Variants in STX2 observed in about 807,000 individuals in gnomAD.
STX2 encodes syntaxin 2, also known as syntaxin-2.
Under a neutral mutation model 40.6 loss-of-function variants are expected in STX2, and 27 were observed. The observed-to-expected ratio is 0.66, with a 90% CI of 0.49 to 0.92. STX2 has a LOEUF of 0.92. Ranked by LOEUF, STX2 falls within the 40% of genes least tolerant of loss-of-function variation. The probability of loss-of-function intolerance (pLI) is 0.00; values close to 1 mark genes in which losing one functional copy is unlikely to be tolerated. For missense variants in STX2, 328 were observed against 366.1 expected (o/e 0.90, Z 0.85); for synonymous variants, 123 against 119.1 (o/e 1.03, Z -0.22).
At chr12:130,827,159 C>T (rs1952351233) in intron 2 of STX2, 34 bp downstream of exon 2, 2 of 1,540,788 alleles carry the variant, frequency 1.3e-6, no homozygotes, top group African/African-American at 1.4e-5. Context: ...GACAGGTAGG[C>T]AGGCTATGAT....
intron 1 of STX2, among the ~76,000 whole-genome samples, chr12:130,828,391 CTTTTTTTTT>C (rs35993256): frequency 1.9e-5 from 2 of 106,526 alleles, no homozygotes; most frequent in African/African-American, 7.4e-5. Context: ...CCACACCCGG[CTTTTTTTTT>C]TTTTTTTTTT....
At chr12:130,810,391 T>C (rs753695434) in intron 4 of STX2, among the ~76,000 whole-genome samples, 10 of 152,188 alleles carry the variant, frequency 6.6e-5, no homozygotes, top group Non-Finnish European at 1.5e-4. Context: ...CCCAGTCCAC[T>C]GAAAAAGCCT....
intron 9 of STX2, 102 bp from the exon 10 acceptor site, chr12:130,796,222 G>T: frequency 6.9e-7 from 1 of 1,455,242 alleles, no homozygotes; most frequent in Non-Finnish European, 9.3e-7. Flanking sequence ...GGCCAGGTGT[G>T]GTGGCTCACG....
intron 1 of STX2, among the ~76,000 whole-genome samples, chr12:130,838,531 G>A (rs898027118): frequency 6.6e-6 from 1 of 152,128 alleles, no homozygotes; most frequent in East Asian, 1.9e-4. Context: ...GCACTCTAAG[G>A]TGCCCACATT....
intron 4 of STX2, among the ~76,000 whole-genome samples, chr12:130,809,906 T>C (rs34320422): frequency 0.011 from 1,616 of 152,208 alleles, 38 homozygotes; most frequent in African/African-American, 0.037. Flanking sequence ...GTACCTGTAG[T>C]CACAAGTGCT....
At position 130,790,982 on chromosome 12, in the gene STX2, A is replaced by C. The variant is rs1421811587; in HGVS notation, c.*1041T>G. ...AATGGGAAACTTTAAACAACTGTAC[A>C]AAGGTGGCTCCAACACCATGAAGCT... is the stretch of plus-strand genomic sequence containing the variant. On this transcript the variant is annotated 3_prime_UTR_variant, in exon 11 of 11. Coordinates refer to ENST00000392373, the MANE Select transcript of STX2 (RefSeq NM_194356.4). 1 of 152,626 alleles carries C rather than the reference A, an allele frequency of 6.6e-6. No individual in the cohort carries two copies. The highest frequency in any genetic ancestry group is 1.9e-4 in the East Asian group (1 of 5,198). 9.5% of individuals were successfully genotyped at this position (152,626 alleles called of 1,614,324 possible).
At position 130,793,173 on chromosome 12, in the gene STX2, C is replaced by G. The variant is rs936841730; in HGVS notation, c.*46-1196G>C. ...TTATCAAGAGGCGCATGGCAGGCCCCGGTGAGCCTCCCAGTGACTCCTCAG... is the reference window on the plus strand; with the variant it reads ...TTATCAAGAGGCGCATGGCAGGCCCGGGTGAGCCTCCCAGTGACTCCTCAG... On this transcript the variant is annotated intron_variant, in intron 10 of 10. Coordinates refer to ENST00000392373, the MANE Select transcript of STX2 (RefSeq NM_194356.4). Among the ~76,000 whole-genome samples the G allele has an allele frequency of 3.3e-5, 5 of 152,182 alleles. No homozygotes were observed. In the East Asian group the frequency reaches 5.8e-4, roughly 18 times the overall value.
intron 8 of STX2, 81 bp from the exon 9 acceptor site, chr12:130,798,716 G>GT (rs1245336019): frequency 1.6e-5 from 17 of 1,089,466 alleles, no homozygotes; most frequent in Non-Finnish European, 2.2e-5. Flanking sequence ...TAGAACAAAG[G>GT]TTTTATATAA....
intron 4 of STX2, chr12:130,812,645 A>C: frequency 6.8e-6 from 2 of 293,222 alleles, no homozygotes. Context: ...TCATCGAATA[A>C]ATTCTACAGA....
At chr12:130,829,712 G>A (rs1952484236) in intron 1 of STX2, among the ~76,000 whole-genome samples, 2 of 152,204 alleles carry the variant, frequency 1.3e-5, no homozygotes, top group Admixed American at 6.5e-5. Context: ...GCTTCCCTAT[G>A]GCTATCTGCC....
chr12:130,829,561 C>T (rs1040235035), intron 1 of STX2, among the ~76,000 whole-genome samples: 69 of 152,294 alleles, frequency 4.5e-4, no homozygotes, highest in African/African-American at 1.5e-3. Flanking sequence ...ACTCCCCTTG[C>T]GGGGGACCCC....
In STX2 at chr12:130,811,536, CTTTTTTTTTTTTT is replaced by C. The variant is rs71088788; in HGVS notation, c.280+1408_280+1420del. ...AAAATGTTAATGTCACCATTAACAT[CTTTTTTTTTTTTT>C]TTTTTTTTGAGATGGAATCTTGCTC... is the stretch of plus-strand genomic sequence containing the variant. On this transcript the variant is annotated intron_variant, in intron 4 of 10. Coordinates refer to ENST00000392373, the MANE Select transcript of STX2 (RefSeq NM_194356.4). Among the ~76,000 whole-genome samples, 4 of 95,552 alleles carry C rather than the reference CTTTTTTTTTTTTT, an allele frequency of 4.2e-5. No homozygotes were observed. The Middle Eastern group carries it at 0.033, about 796-fold the overall frequency. The allele number at this position is 95,552 out of a possible 152,430, so 62.7% of individuals were successfully genotyped here.
rs752646818 is a variant in STX2, at chr12:130,808,686, T to A, written c.299A>T (p.Asp100Val). Residue 100 changes from aspartate (D) to valine (V), a missense_variant, in exon 5 of 11, where the codon GAT becomes GTT. Physicochemically the swap from Asp to Val is radical, Grantham distance 152. Transcript: ENST00000392373. ...AKLKAIEQSF[D>V]QDESGNRTSV... is the part of the protein sequence containing the mutation. Reference sequence around the variant, plus strand: ...AGTCCGGTTCCCACTCTCATCCTGATCAAAACTTTGTTCAATAGCTAGGAA... The same window carrying A: ...AGTCCGGTTCCCACTCTCATCCTGAACAAAACTTTGTTCAATAGCTAGGAA... 4 of 1,612,098 alleles carry A rather than the reference T, an allele frequency of 2.5e-6. No homozygotes were observed. In the African/African-American group the frequency reaches 5.3e-5, roughly 22 times the overall value.
At chr12:130,837,675 C>A (rs1593202613) in intron 1 of STX2, among the ~76,000 whole-genome samples, 1 of 152,170 alleles carries the variant, frequency 6.6e-6, no homozygotes, top group South Asian at 2.1e-4. Context: ...GATGCCCCCA[C>A]CCTGATCTCC....
intron 9 of STX2, 38 bp from the exon 10 acceptor site, chr12:130,796,158 T>C (rs747683093): frequency 5.7e-5 from 92 of 1,611,828 alleles, no homozygotes; most frequent in Non-Finnish European, 7.5e-5. Flanking sequence ...TCATGCATGG[T>C]TAATTTCATA....
At chr12:130,832,444 G>A (rs118163322) in intron 1 of STX2, among the ~76,000 whole-genome samples, 197 of 152,158 alleles carry the variant, frequency 1.3e-3, no homozygotes, top group Non-Finnish European at 2.4e-3. Context: ...GAGGACCACC[G>A]AGCCATGGGG....
Position 130,829,128 on chromosome 12 carries a change from T to C in STX2, c.31-1861A>G, listed in dbSNP as rs117647872. Among the ~76,000 whole-genome samples, 209 of 152,284 alleles carry C rather than the reference T, an allele frequency of 1.4e-3. 3 individuals carry two copies. In the East Asian group the frequency reaches 0.031, roughly 23 times the overall value. ...ACCATGAGGCAGGTGCTGGCATCGC[T>C]ATTTCAGAGTAGAACACATGCTCAA... On this transcript the variant is annotated intron_variant, in intron 1 of 10. Coordinates refer to ENST00000392373, the MANE Select transcript of STX2 (RefSeq NM_194356.4).
intron 2 of STX2, among the ~76,000 whole-genome samples, chr12:130,825,499 A>G (rs1308048222): frequency 6.6e-6 from 1 of 152,264 alleles, no homozygotes. Flanking sequence ...AAGGCTAAAG[A>G]CAATTTAAAA....
At chr12:130,820,740 T>C (rs1167713937) in intron 3 of STX2, among the ~76,000 whole-genome samples, 2 of 151,936 alleles carry the variant, frequency 1.3e-5, no homozygotes, top group Admixed American at 6.6e-5. Context: ...ATTGACTACC[T>C]AGGAATAAAT....
Sources: gnomAD v4.1 joint callset for allele counts (sites outside exome capture counted in the v4.1 genomes callset) on GRCh38, gnomAD v4.1.1 for gene constraint, MANE v1.5 for transcripts, NCBI Gene and HGNC (gene_info 2026-07-23, HGNC 2026-07-21) for gene names.